Variants in TSGA10 observed in about 807,000 individuals in gnomAD.
TSGA10 encodes the protein testis specific 10, also known as testis-specific gene 10 protein.
TSGA10 carries 43 observed loss-of-function variants against 96.6 expected under a neutral mutation model. The observed-to-expected ratio is 0.44, with a 90% CI of 0.35 to 0.57. TSGA10 has a LOEUF of 0.57. TSGA10 is among the 20% of genes least tolerant of loss of function. The pLI, the probability that TSGA10 is intolerant of heterozygous loss-of-function variation, is 0.01. For missense variants in TSGA10, 703 were observed against 834.4 expected (o/e 0.84, Z 1.94); for synonymous variants, 229 against 269.9 (o/e 0.85, Z 1.48).
At chr2:99,151,297 A>C (rs2093691332) in intron 1 of TSGA10, 1 of 152,290 alleles carries the variant, frequency 6.6e-6, no homozygotes. Context: ...CCCCATCTCT[A>C]CTAAAAATGC....
At chr2:99,058,139 G>A (rs904113550) in intron 16 of TSGA10, among the ~76,000 whole-genome samples, 16 of 152,140 alleles carry the variant, frequency 1.1e-4, no homozygotes, top group Non-Finnish European at 5.9e-5. Context: ...TGGAGGGTTT[G>A]GTGGTGATAA....
At chr2:99,010,397 C>T (rs1366803179) in intron 20 of TSGA10, among the ~76,000 whole-genome samples, 1 of 152,196 alleles carries the variant, frequency 6.6e-6, no homozygotes, top group African/African-American at 2.4e-5. Context: ...TTCCATGAAA[C>T]AGGTGAAAAA....
In TSGA10 at chr2:99,074,000, C is replaced by CTTTTTTTTTTTTTTT. The variant is rs1167854716; in HGVS notation, c.883-942_883-928dup. ...AACCAATTCTGTTCCTGTTTCTTTT[C>CTTTTTTTTTTTTTTT]TTTTTTTTTTTTTTTTTTTTTTTTT... is the stretch of plus-strand genomic sequence containing the variant. On this transcript the variant is annotated intron_variant, in intron 12 of 20. Coordinates refer to ENST00000393483, the MANE Select transcript of TSGA10 (RefSeq NM_025244.4). 6.1e-3 allele frequency among the ~76,000 whole-genome samples: 323 copies of CTTTTTTTTTTTTTTT among 52,622 alleles called. 88 individuals carry two copies. The highest frequency in any genetic ancestry group is 7.4e-3 in the African/African-American group (99 of 13,344). The allele number at this position is 52,622 out of a possible 152,430, so 34.5% of individuals were successfully genotyped here.
At chr2:99,030,984 A>G (rs1347825350) in intron 17 of TSGA10, among the ~76,000 whole-genome samples, 1 of 152,136 alleles carries the variant, frequency 6.6e-6, no homozygotes, top group African/African-American at 2.4e-5. Flanking sequence ...GAAGATATAA[A>G]AAGATTATTC....
At chr2:99,105,316 G>A (rs759510012) in intron 9 of TSGA10, 43 bp downstream of exon 9, 3 of 1,506,826 alleles carry the variant, frequency 2.0e-6, no homozygotes, top group East Asian at 4.5e-5. Flanking sequence ...AAGCCATTGA[G>A]TGTTTATAGC....
At chr2:99,049,767 A>G (rs968108534) in intron 16 of TSGA10, among the ~76,000 whole-genome samples, 3 of 152,062 alleles carry the variant, frequency 2.0e-5, no homozygotes, top group African/African-American at 7.2e-5. Context: ...ATACATTCCT[A>G]GAGAAACAAA....
chr2:99,100,746 G>A (rs550812208), intron 10 of TSGA10, among the ~76,000 whole-genome samples: 3 of 150,160 alleles, frequency 2.0e-5, no homozygotes, highest in African/African-American at 4.9e-5. Context: ...TGTGAACCCC[G>A]GAGGCAGAGC....
intron 16 of TSGA10, among the ~76,000 whole-genome samples, chr2:99,062,062 G>A (rs924667781): frequency 5.3e-5 from 8 of 152,172 alleles, no homozygotes; most frequent in Non-Finnish European, 1.0e-4. Context: ...AAATCATTCA[G>A]AGGGAAATAA....
chr2:99,138,717 A>C (rs1018369488), intron 1 of TSGA10, among the ~76,000 whole-genome samples: 1 of 152,242 alleles, frequency 6.6e-6, no homozygotes. Flanking sequence ...TCTTTACATA[A>C]GGATCCTCTT....
At chr2:99,037,740 C>A (rs1573707628) in intron 16 of TSGA10, among the ~76,000 whole-genome samples, 1 of 152,184 alleles carries the variant, frequency 6.6e-6, no homozygotes, top group South Asian at 2.1e-4. Flanking sequence ...ATCCCAGCTA[C>A]TCTGGAGCCT....
At position 99,054,363 on chromosome 2, in the gene TSGA10, C is replaced by A. The variant is rs536991520; in HGVS notation, c.1404+10576G>T. 1.7e-3 allele frequency among the ~76,000 whole-genome samples: 264 copies of A among 152,234 alleles called. 1 individual carries two copies. Among genetic ancestry groups the A allele is most frequent in the Middle Eastern group, 0.01 (3 of 294 alleles). On this transcript the variant is annotated intron_variant, in intron 16 of 20. Transcript: ENST00000393483. ...TTATTTCAACATATACAAAAATCAA[C>A]TCTTAATGGATTAAAGACTTAAATA...
intron 18 of TSGA10, among the ~76,000 whole-genome samples, chr2:99,019,399 A>C (rs1419426316): frequency 6.6e-6 from 1 of 152,214 alleles, no homozygotes; most frequent in East Asian, 1.9e-4. Flanking sequence ...CATCCTGAGA[A>C]AGTGATCCTG....
chr2:99,037,113 T>C (rs2081700176), intron 16 of TSGA10, among the ~76,000 whole-genome samples: 1 of 152,170 alleles, frequency 6.6e-6, no homozygotes, highest in African/African-American at 2.4e-5. Context: ...TCAGCAAGGA[T>C]ACAATTCAAC....
chr2:99,142,553 C>T (rs2093579274), intron 1 of TSGA10, among the ~76,000 whole-genome samples: 1 of 152,074 alleles, frequency 6.6e-6, no homozygotes, highest in Admixed American at 6.6e-5. Flanking sequence ...CATATTTTGT[C>T]GCATTTATTT....
intron 16 of TSGA10, among the ~76,000 whole-genome samples, chr2:99,057,973 G>A (rs1366308944): frequency 5.3e-5 from 8 of 152,238 alleles, no homozygotes; most frequent in Middle Eastern, 6.8e-3. Flanking sequence ...TTTGATAGAG[G>A]TGCCAAGACC....
At chr2:99,123,565 T>C (rs1414899469) in intron 2 of TSGA10, among the ~76,000 whole-genome samples, 2 of 152,192 alleles carry the variant, frequency 1.3e-5, no homozygotes. Context: ...TTTAACATTT[T>C]TAAAGTATAT....
chr2:99,126,985 T>C, intron 2 of TSGA10, 63 bp downstream of exon 2: 42 of 1,255,960 alleles, frequency 3.3e-5, no homozygotes, highest in Non-Finnish European at 4.3e-5. Context: ...CTCTATCTTC[T>C]TGTTTCAAAA....
chr2:99,049,352 C>T (rs563677500), intron 16 of TSGA10, among the ~76,000 whole-genome samples: 10 of 152,090 alleles, frequency 6.6e-5, no homozygotes, highest in South Asian at 4.2e-4. Context: ...AATGACAGAC[C>T]GGATAAAGAA....
chr2:99,123,003 C>T (rs545025816), intron 2 of TSGA10, among the ~76,000 whole-genome samples: 8 of 152,256 alleles, frequency 5.3e-5, no homozygotes, highest in African/African-American at 1.7e-4. Context: ...TTCCCTCAAC[C>T]TTCAAGGATA....
Sources: allele counts gnomAD v4.1 joint callset (sites outside exome capture counted in the v4.1 genomes callset), GRCh38; gene constraint gnomAD v4.1.1; transcripts MANE v1.5; gene names NCBI Gene and HGNC (gene_info 2026-07-23, HGNC 2026-07-21).